The following PDE1A variants were observed in gnomAD, a reference collection of about 807,000 sequenced individuals.
PDE1A encodes the protein dual specificity calcium/calmodulin-dependent 3',5'-cyclic nucleotide phosphodiesterase 1A.
In PDE1A, 35 loss-of-function variants were observed where a neutral mutation model predicts 61.7. The ratio of observed to expected loss-of-function variants is 0.57; its 90% CI spans 0.43 to 0.75. The LOEUF is 0.75. Ranked by LOEUF, PDE1A falls within the 30% of genes least tolerant of loss-of-function variation. The pLI, the probability that PDE1A is intolerant of heterozygous loss-of-function variation, is 0.00. For missense variants in PDE1A, 597 were observed against 630.6 expected (o/e 0.95, Z 0.57); for synonymous variants, 232 against 213.2 (o/e 1.09, Z -0.77).
At chr2:182,276,294 C>A (rs548377636) in intron 1 of PDE1A, among the ~76,000 whole-genome samples, 1 of 152,006 alleles carries the variant, frequency 6.6e-6, no homozygotes, top group Non-Finnish European at 1.5e-5. Context: ...GGACCCCAAA[C>A]GGAGGAAGCA....
chr2:182,660,575 A>T, the PDE1A span, among the ~76,000 whole-genome samples: 1 of 152,244 alleles, frequency 6.6e-6, no homozygotes, highest in Non-Finnish European at 1.5e-5. Context: ...TGACCTAATC[A>T]GGTGATCCCT....
At chr2:182,217,855 G>C (rs1293077749) in intron 7 of PDE1A, among the ~76,000 whole-genome samples, 1 of 151,904 alleles carries the variant, frequency 6.6e-6, no homozygotes, top group African/African-American at 2.4e-5. Flanking sequence ...GTGGAATTCA[G>C]TGTGGAGATT....
intron 1 of PDE1A, among the ~76,000 whole-genome samples, chr2:182,328,495 T>C (rs1036797546): frequency 1.3e-5 from 2 of 151,852 alleles, no homozygotes; most frequent in Non-Finnish European, 1.5e-5. Flanking sequence ...AGGGACATAG[T>C]AAAAAAAAGT....
the PDE1A span, among the ~76,000 whole-genome samples, chr2:182,582,402 G>A: frequency 6.6e-6 from 1 of 152,100 alleles, no homozygotes; most frequent in Non-Finnish European, 1.5e-5. Context: ...TGCTTCCAAG[G>A]AACCCAGGCC....
At chr2:182,557,709 C>A in the PDE1A span, among the ~76,000 whole-genome samples, 1 of 151,622 alleles carries the variant, frequency 6.6e-6, no homozygotes, top group Non-Finnish European at 1.5e-5. Flanking sequence ...AAGACCCTAT[C>A]TCAAAAAAAT....
chr2:182,691,916 C>T, the PDE1A span, among the ~76,000 whole-genome samples: 48 of 151,744 alleles, frequency 3.2e-4, no homozygotes, highest in South Asian at 2.9e-3. Context: ...CCAACAGACA[C>T]GAAAAAATGC....
chr2:182,243,710 GAGTTTAGTT>G (rs1182615594), intron 2 of PDE1A, among the ~76,000 whole-genome samples: 6 of 152,164 alleles, frequency 3.9e-5, no homozygotes, highest in Admixed American at 2.6e-4. Flanking sequence ...ATGGTGTTTT[GAGTTTAGTT>G]AGTTTAGTTA....
intron 10 of PDE1A, among the ~76,000 whole-genome samples, chr2:182,201,155 T>C (rs921102633): frequency 2.6e-5 from 4 of 152,222 alleles, no homozygotes; most frequent in Admixed American, 2.6e-4. Flanking sequence ...CTGTGGCACT[T>C]ACGTCTTAAC....
At chr2:182,333,200 G>A (rs2124966921) in intron 1 of PDE1A, among the ~76,000 whole-genome samples, 1 of 152,168 alleles carries the variant, frequency 6.6e-6, no homozygotes, top group African/African-American at 2.4e-5. Flanking sequence ...GGACATTCGG[G>A]ACTTGAACTC....
At chr2:182,655,185 G>T in the PDE1A span, among the ~76,000 whole-genome samples, 1 of 152,124 alleles carries the variant, frequency 6.6e-6, no homozygotes, top group Non-Finnish European at 1.5e-5. Context: ...CTCTCCCCGG[G>T]AACAGAGGCA....
intron 2 of PDE1A, among the ~76,000 whole-genome samples, chr2:182,462,368 G>A (rs1028693649): frequency 2.0e-5 from 3 of 150,696 alleles, no homozygotes; most frequent in Non-Finnish European, 3.0e-5. Flanking sequence ...ATATGTGTGT[G>A]TATATATATA....
intron 13 of PDE1A, among the ~76,000 whole-genome samples, chr2:182,177,788 A>C (rs981237378): frequency 6.6e-6 from 1 of 152,132 alleles, no homozygotes; most frequent in African/African-American, 2.4e-5. Flanking sequence ...TGTCTTTGAC[A>C]TTACTAACCA....
At chr2:182,186,119 G>A in intron 12 of PDE1A, 40 bp from the exon 13 acceptor site, 2 of 1,594,126 alleles carry the variant, frequency 1.3e-6, no homozygotes, top group South Asian at 2.3e-5. Flanking sequence ...ACACCATCAG[G>A]ATATGGGGTG....
intron 1 of PDE1A, among the ~76,000 whole-genome samples, chr2:182,408,966 G>C (rs998633855): frequency 2.6e-5 from 4 of 152,200 alleles, no homozygotes; most frequent in Admixed American, 6.5e-5. Context: ...TAGTGGCTGA[G>C]CAGGGACTCA....
chr2:182,588,580 G>C, the PDE1A span, among the ~76,000 whole-genome samples: 1 of 152,106 alleles, frequency 6.6e-6, no homozygotes, highest in East Asian at 1.9e-4. Context: ...CATATTATCT[G>C]TCACCTCATA....
At chr2:182,454,495 G>A (rs200024632) in intron 2 of PDE1A, among the ~76,000 whole-genome samples, 25,177 of 151,108 alleles carry the variant, frequency 0.17, 2,502 homozygotes, top group Middle Eastern at 0.34. Context: ...AGCCGGAGGC[G>A]TCATGCTACC....
chr2:182,598,549 C>T, the PDE1A span, among the ~76,000 whole-genome samples: 10 of 149,206 alleles, frequency 6.7e-5, no homozygotes, highest in Non-Finnish European at 1.5e-4. Context: ...CGTGATGGAG[C>T]GCAACTCTGT....
At chr2:182,569,685 T>C in the PDE1A span, among the ~76,000 whole-genome samples, 6 of 152,352 alleles carry the variant, frequency 3.9e-5, no homozygotes, top group East Asian at 9.6e-4. Context: ...TCTGGTTACA[T>C]GGCTGCTCTG....
At chr2:182,186,501 G>A (rs377724990) in exon 12 of PDE1A, 36 of 1,612,966 alleles carry the variant, frequency 2.2e-5, no homozygotes, top group African/African-American at 8.0e-5. Flanking sequence ...TTCGGCTTTT[G>A]AGGCTTCCTC....
Sources: allele counts gnomAD v4.1 joint callset (sites outside exome capture counted in the v4.1 genomes callset), GRCh38; gene constraint gnomAD v4.1.1; transcripts MANE v1.5; gene names NCBI Gene and HGNC (gene_info 2026-07-23, HGNC 2026-07-21).